The following HSPG2 variants were observed in gnomAD, a reference collection of about 807,000 sequenced individuals.
HSPG2 encodes heparan sulfate proteoglycan 2.
Under a neutral mutation model 526.6 loss-of-function variants are expected in HSPG2, and 278 were observed. The observed-to-expected ratio is 0.53, with a 90% CI of 0.48 to 0.58. The LOEUF is 0.58. HSPG2 is among the 20% of genes least tolerant of loss of function. The pLI is 0.00. For missense variants in HSPG2, 5,354 were observed against 6,099.5 expected, an observed-to-expected ratio of 0.88 and a Z score of 4.07; for synonymous variants, 2,465 against 2,555.4, an observed-to-expected ratio of 0.96 and a Z score of 1.07.
chr1:21,881,189 C>T (rs1311386202), intron 14 of HSPG2, 150 bp downstream of exon 14: 5 of 983,774 alleles, frequency 5.1e-6, no homozygotes, highest in African/African-American at 1.6e-5. Context: ...GAGGTCCTGC[C>T]CTGAATGGAT....
Position 21,854,630 on chromosome 1 carries a change from C to T in HSPG2, c.6269G>A (p.Ser2090Asn). Residue 2090 changes from serine to asparagine, a missense_variant, in exon 49 of 97, where the codon AGC (serine) becomes AAC (asparagine). Coordinates refer to ENST00000374695, the MANE Select transcript of HSPG2 (RefSeq NM_005529.7). Reference protein sequence around the residue: ...AQVTWYRRGGSLPPHTQVHGS... With the variant: ...AQVTWYRRGGNLPPHTQVHGS... ...ACATACCTGGGTGTGGGGAGGCAGG[C>T]TACCCCCTCGCCTGTACCAGGTGAC... is the stretch of plus-strand genomic sequence containing the variant. 6.4e-7 allele frequency: 1 copy of T among 1,573,760 alleles called. No homozygotes were observed.
intron 1 of HSPG2, among the ~76,000 whole-genome samples, chr1:21,917,709 G>A (rs1643922761): frequency 6.6e-6 from 1 of 152,100 alleles, no homozygotes; most frequent in South Asian, 2.1e-4. Flanking sequence ...TTCTTGGAAT[G>A]CTGTTCCCAT....
In HSPG2 at chr1:21,839,642, C is replaced by T; in HGVS notation, c.9710-92G>A. On this transcript the variant is annotated intron_variant, in intron 72 of 96. Coordinates refer to ENST00000374695, the MANE Select transcript of HSPG2 (RefSeq NM_005529.7). This position sits in a 1 kb window ranked among gnomAD's most constrained non-coding sequence, Gnocchi z 4.5. ...TGGTGAGGAAGGGCCCTGGGTGATC[C>T]TGTCCCTCTATGGGGACCCCAGTTG... 1 of 1,492,966 alleles carries T rather than the reference C, an allele frequency of 6.7e-7. No homozygotes were observed. Among genetic ancestry groups the T allele is most frequent in the Non-Finnish European group, 9.2e-7 (1 of 1,088,986 alleles). The allele number at this position is 1,492,966 out of a possible 1,614,324, so 92.5% of individuals were successfully genotyped here.
Position 21,865,568 on chromosome 1 carries a change from A to G in HSPG2, c.4314+149T>C. 2.3e-6 allele frequency: 2 copies of G among 869,364 alleles called. No individual in the cohort carries two copies. Among genetic ancestry groups the G allele is most frequent in the Non-Finnish European group, 3.9e-6 (2 of 518,528 alleles). The allele number at this position is 869,364 out of a possible 1,614,324, so 53.9% of individuals were successfully genotyped here. A position where few individuals can be genotyped will look rare whatever the true frequency, so the allele number is the denominator to read the frequency against. On this transcript the variant is annotated intron_variant, in intron 34 of 96. Transcript: ENST00000374695. The surrounding 1 kb of genome is among the most constrained non-coding windows in gnomAD (Gnocchi z 5.4). ...TCCTCTGCTTGGGTAGTGTCCAACC[A>G]GGCAGGGATGTGGGGGCATGGGCCT...
Position 21,829,076 on chromosome 1 carries a change from AGCCCTGGGGAGGAT to A in HSPG2, c.11993-11_11995del. 6.5e-7 allele frequency: 1 copy of A among 1,536,768 alleles called. No individual in the cohort carries two copies. The highest frequency in any genetic ancestry group is 1.2e-5 in the South Asian group (1 of 83,884). On this transcript the variant is annotated splice_acceptor_variant and splice_polypyrimidine_tract_variant and coding_sequence_variant and intron_variant, in exon 88 of 97. Transcript: ENST00000374695. LOFTEE classifies it high-confidence loss of function. Reference sequence around the variant, plus strand: ...CGGCTCGGCGCTCCGCAGAACGGCCAGCCCTGGGGAGGATGCCAGGCAGGGTTGGGCACATGGGG... The same window carrying A: ...CGGCTCGGCGCTCCGCAGAACGGCCAGCCAGGCAGGGTTGGGCACATGGGG...
rs142194150 is a variant in HSPG2 at position 21,887,589 on chromosome 1, C to T, written c.789G>A (p.Met263Ile). 6.6e-4 allele frequency: 1,073 copies of T among 1,614,076 alleles called. 10 individuals are homozygous for T. The African/African-American group carries it at 0.013, about 19-fold the overall frequency. ...GAGCGTGGGTGACTGGTGGCTGTCG[C>T]ATGATGGTTGTCTCTGGCCGGGGCG... is the stretch of plus-strand genomic sequence containing the variant. ...SLPPRPETTIMRQPPVTHAPQ... is the reference protein window; with the variant it reads ...SLPPRPETTIIRQPPVTHAPQ... Residue 263 changes from methionine to isoleucine, a missense_variant, in exon 8 of 97, where the codon ATG becomes ATA. Physicochemically the swap from Met to Ile is conservative, Grantham distance 10. Transcript: ENST00000374695. The surrounding 1 kb of genome is among the most constrained non-coding windows in gnomAD (Gnocchi z 5.0).
chr1:21,879,624 C>T (rs1641346974), intron 17 of HSPG2, among the ~76,000 whole-genome samples: 1 of 151,334 alleles, frequency 6.6e-6, no homozygotes, highest in Admixed American at 6.6e-5. Context: ...GGAGGGCCAA[C>T]ACCTCCCTTG....
chr1:21,836,979 G>A lies in HSPG2; in HGVS notation c.10178C>T (p.Ser3393Phe). The A allele has an allele frequency of 6.4e-7, 1 of 1,553,512 alleles. No individual in the cohort carries two copies. Among genetic ancestry groups the A allele is most frequent in the Non-Finnish European group, 8.7e-7 (1 of 1,148,768 alleles). ...QGPPGSLPAT[S>F]IPAGSTPTVQ... ...GGTGGGCGTGGACCCTGCTGGGATG[G>A]AGGTGGCAGGGAGAGAGCCGGGAGG... Residue 3393 changes from serine to phenylalanine, a missense_variant, in exon 75 of 97, where the codon TCC becomes TTC. By Grantham distance (155) the Ser-to-Phe change is radical. Coordinates refer to ENST00000374695, the MANE Select transcript of HSPG2 (RefSeq NM_005529.7).
chr1:21,890,768 AG>A lies in HSPG2; in HGVS notation c.245-75del, dbSNP rs1642303097. ...GTGGCCTTAGGCAGTTGGACCATTC[AG>A]GCAGAGTTGGGGGGATGGCCCCCAG... is the stretch of plus-strand genomic sequence containing the variant. On this transcript the variant is annotated intron_variant, in intron 3 of 96. Transcript: ENST00000374695. The surrounding 1 kb of genome is among the most constrained non-coding windows in gnomAD (Gnocchi z 4.1). 3 of 1,145,716 alleles carry A rather than the reference AG, an allele frequency of 2.6e-6. No homozygotes were observed. In the African/African-American group the frequency reaches 4.5e-5, roughly 17 times the overall value. The allele number at this position is 1,145,716 out of a possible 1,614,324, so 71.0% of individuals were successfully genotyped here.
chr1:21,888,385 G>A (rs1642101809), intron 6 of HSPG2, among the ~76,000 whole-genome samples: 1 of 152,254 alleles, frequency 6.6e-6, no homozygotes, highest in South Asian at 2.1e-4. Flanking sequence ...GGAGAAGGGA[G>A]TGCCCAGCTG....
At chr1:21,844,929 C>T (rs146978825) in intron 64 of HSPG2, among the ~76,000 whole-genome samples, 1 of 152,290 alleles carries the variant, frequency 6.6e-6, no homozygotes, top group East Asian at 1.9e-4. Context: ...GGACATTTTC[C>T]TTTCAACTGA....
Position 21,839,511 on chromosome 1 carries a change from G to T in HSPG2, c.9749C>A (p.Ser3250Tyr). The T allele has an allele frequency of 6.2e-7, 1 of 1,614,128 alleles. No homozygotes were observed. Among genetic ancestry groups the T allele is most frequent in the Non-Finnish European group, 8.5e-7 (1 of 1,180,018 alleles). ...APTIHWSKLR[S>Y]PLPWQHRLEG... is the part of the protein sequence containing the mutation. The stretch of plus-strand genomic sequence containing the variant: ...CAGCCGGTGCTGCCAGGGCAGTGGG[G>T]AACGCAGCTTGGACCAGTGGATGGT... The change falls in exon 73 of 97, where the codon TCC (serine) becomes TAC (tyrosine). Residue 3250 changes from serine to tyrosine, a missense_variant. Ser to Tyr is a moderately radical substitution (Grantham distance 144, BLOSUM62 -2). Transcript: ENST00000374695. This position sits in a 1 kb window ranked among gnomAD's most constrained non-coding sequence, Gnocchi z 4.5.
At chr1:21,921,335 G>A (rs55732290) in intron 1 of HSPG2, among the ~76,000 whole-genome samples, 515 of 152,198 alleles carry the variant, frequency 3.4e-3, no homozygotes, top group Non-Finnish European at 5.6e-3. Context: ...TGCTAGAAGC[G>A]GCTTCCTTGC....
rs1417295549 is a variant in HSPG2 at position 21,887,220 on chromosome 1, T to C, written c.1073A>G (p.Asn358Ser). 6.2e-7 allele frequency: 1 copy of C among 1,612,144 alleles called. No homozygotes were observed. Among genetic ancestry groups the C allele is most frequent in the Non-Finnish European group, 8.5e-7 (1 of 1,179,336 alleles). ...FDCEDRTDEA[N>S]CPTKRPEEVC... The stretch of plus-strand genomic sequence containing the variant: ...CTGGACCCTCGGATACTCACGGCAG[T>C]TGGCTTCATCAGTTCGGTCCTCACA... The change falls in exon 9 of 97, where the codon AAC becomes AGC. Residue 358 changes from asparagine (N) to serine (S), a missense_variant. By Grantham distance (46) the Asn-to-Ser change is conservative. Coordinates refer to ENST00000374695, the MANE Select transcript of HSPG2 (RefSeq NM_005529.7). This position sits in a 1 kb window ranked among gnomAD's most constrained non-coding sequence, Gnocchi z 5.0.
In HSPG2 at chr1:21,904,122, C is replaced by T. The variant is rs61300657; in HGVS notation, c.64-7812G>A. ...CCATGTTCCTGGGGGACACAGGCCA[C>T]GGAACCACGTGCTGGCAACACCGTG... On this transcript the variant is annotated intron_variant, in intron 1 of 96. Coordinates refer to ENST00000374695, the MANE Select transcript of HSPG2 (RefSeq NM_005529.7). The surrounding 1 kb of genome is among the most constrained non-coding windows in gnomAD (Gnocchi z 4.4). Among the ~76,000 whole-genome samples, 9,902 of 152,188 alleles carry T rather than the reference C, an allele frequency of 0.065. 832 individuals carry two copies. The highest frequency in any genetic ancestry group is 0.19 in the African/African-American group (7,852 of 41,474).
intron 1 of HSPG2, among the ~76,000 whole-genome samples, chr1:21,923,338 G>A (rs1054824286): frequency 4.6e-5 from 7 of 152,058 alleles, no homozygotes; most frequent in South Asian, 2.1e-4. Flanking sequence ...ACCAGGAAGC[G>A]GAGGCTGCAG....
chr1:21,885,045 C>T lies in HSPG2; in HGVS notation c.1323G>A (p.Arg441=). Residue 441 remains arginine, a synonymous_variant, in exon 11 of 97, where the codon AGG becomes AGA. Coordinates refer to ENST00000374695, the MANE Select transcript of HSPG2 (RefSeq NM_005529.7). ...GAGAGGGGATGTGGCCCCAGTTGAG[C>T]CTCCAATTGATGATGGGGGTGGGGA... The part of the protein sequence containing the change: ...IGVPTPIINW[R]LNWGHIPSHP... 6.2e-7 allele frequency: 1 copy of T among 1,613,938 alleles called. No homozygotes were observed. The highest frequency in any genetic ancestry group is 8.5e-7 in the Non-Finnish European group (1 of 1,180,018).
intron 10 of HSPG2, 32 bp downstream of exon 10, chr1:21,885,288 G>A: frequency 6.2e-7 from 1 of 1,613,646 alleles, no homozygotes; most frequent in Non-Finnish European, 8.5e-7. Flanking sequence ...CCCAGCCCAG[G>A]GCCCGCATCT....
rs896618244 is a variant in HSPG2 at position 21,893,275 on chromosome 1, C to T, written c.245-2581G>A. ...TCTGGAATGCAGGGCCTGGTCCCTG[C>T]AGGGCTGCTGCACCCATCTCTGCCC... is the stretch of plus-strand genomic sequence containing the variant. On this transcript the variant is annotated intron_variant, in intron 3 of 96. Coordinates refer to ENST00000374695, the MANE Select transcript of HSPG2 (RefSeq NM_005529.7). This position sits in a 1 kb window ranked among gnomAD's most constrained non-coding sequence, Gnocchi z 4.3. Among the ~76,000 whole-genome samples the T allele has an allele frequency of 3.3e-5, 5 of 152,164 alleles. No individual in the cohort carries two copies. The highest frequency in any genetic ancestry group is 7.4e-5 in the Non-Finnish European group (5 of 68,014).
Sources: allele counts gnomAD v4.1 joint callset (sites outside exome capture counted in the v4.1 genomes callset), GRCh38; gene constraint gnomAD v4.1.1; non-coding constraint Gnocchi (gnomAD v3.1); transcripts MANE v1.5; gene names NCBI Gene and HGNC (gene_info 2026-07-23, HGNC 2026-07-21).